The following CNTNAP2 variants were observed in gnomAD, a reference collection of about 807,000 sequenced individuals.
CNTNAP2 encodes the protein contactin associated protein 2, also known as contactin-associated protein-like 2.
Under a neutral mutation model 155.2 loss-of-function variants are expected in CNTNAP2, and 98 were observed. That is an observed-to-expected ratio of 0.63 (90% CI 0.54 to 0.75). The LOEUF is 0.75. Among genes scored for constraint, CNTNAP2 ranks in the 30% least tolerant of loss-of-function variants. The probability of loss-of-function intolerance (pLI) is 0.00; values close to 1 mark genes in which losing one functional copy is unlikely to be tolerated. For synonymous variants in CNTNAP2, 651 were observed against 631.2 expected, an observed-to-expected ratio of 1.03 and a Z score of -0.47; for missense variants, 1,727 against 1,688.1, an observed-to-expected ratio of 1.02 and a Z score of -0.40.
At chr7:147,353,135 A>G (rs1324614925) in intron 9 of CNTNAP2, among the ~76,000 whole-genome samples, 2 of 151,740 alleles carry the variant, frequency 1.3e-5, no homozygotes, top group African/African-American at 4.8e-5. Flanking sequence ...ACATACATAT[A>G]CGTATATGTA....
intron 3 of CNTNAP2, among the ~76,000 whole-genome samples, chr7:146,923,043 A>C (rs1257165717): frequency 6.6e-6 from 1 of 152,200 alleles, no homozygotes; most frequent in African/African-American, 2.4e-5. Flanking sequence ...TAGAAAAGTC[A>C]TGCAGACAAG....
chr7:147,106,188 T>C (rs1800762108), intron 4 of CNTNAP2, among the ~76,000 whole-genome samples: 10 of 152,120 alleles, frequency 6.6e-5, no homozygotes. Context: ...ACAAGATGTG[T>C]CTATTATTTA....
chr7:148,362,049 A>C (rs1392110621), intron 21 of CNTNAP2, among the ~76,000 whole-genome samples: 1 of 152,194 alleles, frequency 6.6e-6, no homozygotes, highest in African/African-American at 2.4e-5. Context: ...TCTACTAAAA[A>C]TACAAAAAAA....
At chr7:146,317,307 T>G (rs566737584) in intron 1 of CNTNAP2, among the ~76,000 whole-genome samples, 1 of 152,350 alleles carries the variant, frequency 6.6e-6, no homozygotes, top group African/African-American at 2.4e-5. Flanking sequence ...CAAGACAGGC[T>G]AAATCCAGTA....
chr7:146,589,582 C>A (rs1252988425), intron 1 of CNTNAP2, among the ~76,000 whole-genome samples: 2 of 151,168 alleles, frequency 1.3e-5, no homozygotes, highest in African/African-American at 4.9e-5. Context: ...GGGAACATCA[C>A]ACATTGGGGC....
intron 1 of CNTNAP2, among the ~76,000 whole-genome samples, chr7:146,282,773 C>G (rs142788327): frequency 6.6e-6 from 1 of 152,092 alleles, no homozygotes; most frequent in African/African-American, 2.4e-5. Flanking sequence ...TGGCTGTATT[C>G]TTAAAACACA....
chr7:148,223,641 CA>C (rs1795790691), intron 19 of CNTNAP2, among the ~76,000 whole-genome samples: 2 of 152,160 alleles, frequency 1.3e-5, no homozygotes, highest in African/African-American at 4.8e-5. Flanking sequence ...GGAATAAATA[CA>C]TCATTTAAAT....
intron 4 of CNTNAP2, among the ~76,000 whole-genome samples, chr7:147,083,522 T>TTATATATATATATACATATATATATATG (rs1344278727): frequency 7.0e-4 from 83 of 117,898 alleles, no homozygotes; most frequent in South Asian, 2.0e-3. Context: ...AAACATCATT[T>TTATATATATATATACATATATATATATG]TATATATATA....
At chr7:147,625,287 C>T (rs1794946941) in intron 12 of CNTNAP2, among the ~76,000 whole-genome samples, 1 of 152,090 alleles carries the variant, frequency 6.6e-6, no homozygotes, top group African/African-American at 2.4e-5. Flanking sequence ...AGCATAAATG[C>T]TTGAGTGGAT....
At chr7:146,312,347 A>T (rs1225441990) in intron 1 of CNTNAP2, among the ~76,000 whole-genome samples, 1 of 152,218 alleles carries the variant, frequency 6.6e-6, no homozygotes, top group Non-Finnish European at 1.5e-5. Flanking sequence ...ACATCTCGGA[A>T]TAACTGGTAA....
chr7:148,344,151 C>T (rs1211245258), intron 21 of CNTNAP2, among the ~76,000 whole-genome samples: 1 of 152,200 alleles, frequency 6.6e-6, no homozygotes, highest in Non-Finnish European at 1.5e-5. Context: ...TCTCTCCTAG[C>T]AGATTTTTTC....
intron 3 of CNTNAP2, among the ~76,000 whole-genome samples, chr7:146,940,813 G>A (rs758928891): frequency 7.0e-6 from 1 of 142,960 alleles, no homozygotes; most frequent in Non-Finnish European, 1.6e-5. Context: ...ATATATGTGT[G>A]TGTGTGTATA....
chr7:147,565,557 C>T (rs1301969215), intron 12 of CNTNAP2, among the ~76,000 whole-genome samples: 4 of 152,038 alleles, frequency 2.6e-5, no homozygotes, highest in Non-Finnish European at 5.9e-5. Flanking sequence ...ATGATGCTCC[C>T]TTGAACTAGG....
intron 8 of CNTNAP2, among the ~76,000 whole-genome samples, chr7:147,235,475 T>C (rs929923863): frequency 2.6e-5 from 4 of 152,084 alleles, no homozygotes; most frequent in Non-Finnish European, 5.9e-5. Flanking sequence ...TTCCCCACTA[T>C]GAGAATGCCT....
At chr7:148,258,442 G>A (rs1222022624) in intron 20 of CNTNAP2, among the ~76,000 whole-genome samples, 4 of 152,174 alleles carry the variant, frequency 2.6e-5, no homozygotes, top group African/African-American at 9.7e-5. Context: ...TTAGATGAAC[G>A]TATCCTTGAT....
At chr7:146,689,923 A>G (rs957055587) in intron 1 of CNTNAP2, among the ~76,000 whole-genome samples, 2 of 151,996 alleles carry the variant, frequency 1.3e-5, no homozygotes, top group African/African-American at 4.8e-5. Flanking sequence ...TTCTCATATG[A>G]CAGACCCCCT....
At chr7:146,361,339 G>A (rs1183825727) in intron 1 of CNTNAP2, among the ~76,000 whole-genome samples, 1 of 152,168 alleles carries the variant, frequency 6.6e-6, no homozygotes, top group Non-Finnish European at 1.5e-5. Flanking sequence ...GCTTGAGTAT[G>A]TGCAGATTTG....
chr7:146,201,779 G>A (rs1584799952), intron 1 of CNTNAP2, among the ~76,000 whole-genome samples: 1 of 151,860 alleles, frequency 6.6e-6, no homozygotes, highest in South Asian at 2.1e-4. Flanking sequence ...TTAATACTTT[G>A]TGAAATATAT....
chr7:147,681,037 C>A (rs1161296881), intron 13 of CNTNAP2, among the ~76,000 whole-genome samples: 1 of 151,852 alleles, frequency 6.6e-6, no homozygotes. Flanking sequence ...TTTCAAAGTC[C>A]ATTTCTGTTC....
Sources: allele counts gnomAD v4.1 joint callset (sites outside exome capture counted in the v4.1 genomes callset), GRCh38; gene constraint gnomAD v4.1.1; transcripts MANE v1.5; gene names NCBI Gene and HGNC (gene_info 2026-07-23, HGNC 2026-07-21).